The following NRXN1 variants were observed in gnomAD, a reference collection of about 807,000 sequenced individuals.
NRXN1 encodes the protein neurexin-1.
NRXN1 carries 39 observed loss-of-function variants against 150.9 expected under a neutral mutation model. That is an observed-to-expected ratio of 0.26 (90% CI 0.20 to 0.34). The LOEUF (loss-of-function observed/expected upper bound fraction) is 0.34. NRXN1 is among the 10% of genes least tolerant of loss of function. NRXN1 has a pLI of 1.00. For synonymous variants in NRXN1, 924 were observed against 757.0 expected (o/e 1.22, Z -3.62); for missense variants, 1,815 against 1,949.9 (o/e 0.93, Z 1.30).
At chr2:50,551,547 T>C (rs1667544467) in intron 9 of NRXN1, among the ~76,000 whole-genome samples, 1 of 152,032 alleles carries the variant, frequency 6.6e-6, no homozygotes, top group South Asian at 2.1e-4. Context: ...TTATCACAGA[T>C]TACTGAGTCT....
At chr2:50,136,436 G>T (rs12468396) in intron 18 of NRXN1, among the ~76,000 whole-genome samples, 25,720 of 152,042 alleles carry the variant, frequency 0.17, 2,651 homozygotes, top group East Asian at 0.36. Flanking sequence ...AGGTTCCTAG[G>T]ATATATCTTA....
chr2:50,094,587 GC>G (rs1031254878), intron 18 of NRXN1, among the ~76,000 whole-genome samples: 2 of 152,080 alleles, frequency 1.3e-5, no homozygotes, highest in Admixed American at 1.3e-4. Context: ...GCTTGCTGAT[GC>G]CCAGTGGCCA....
chr2:50,877,688 A>G (rs1574800528), intron 5 of NRXN1, among the ~76,000 whole-genome samples: 1 of 151,958 alleles, frequency 6.6e-6, no homozygotes, highest in Non-Finnish European at 1.5e-5. Flanking sequence ...ATAGTATTTG[A>G]ATGGTAATAT....
In NRXN1 at chr2:50,112,291, T is replaced by C. The variant is rs115162451; in HGVS notation, c.3547-20797A>G. ...TTGGGCTTAAACTCCCTTGGGTCCT[T>C]ATTACCCCTGCTACTGTATCACTAT... On this transcript the variant is annotated intron_variant, in intron 18 of 22. Transcript: ENST00000401669. Among the ~76,000 whole-genome samples, 1,462 of 152,314 alleles carry C rather than the reference T, an allele frequency of 9.6e-3. 10 individuals carry two copies. The highest frequency in any genetic ancestry group is 0.014 in the Admixed American group (214 of 15,302).
At chr2:50,188,665 AC>A (rs1236869528) in intron 18 of NRXN1, among the ~76,000 whole-genome samples, 22 of 152,158 alleles carry the variant, frequency 1.4e-4, no homozygotes, top group Non-Finnish European at 2.6e-4. Flanking sequence ...AGGAACTTAA[AC>A]AAATTTACAA....
intron 2 of NRXN1, among the ~76,000 whole-genome samples, chr2:50,981,158 T>G (rs1266972058): frequency 6.6e-6 from 1 of 151,904 alleles, no homozygotes; most frequent in Non-Finnish European, 1.5e-5. Context: ...TTTCCCAATA[T>G]TATAAGAAAC....
At chr2:50,331,471 A>G (rs1291180460) in intron 17 of NRXN1, among the ~76,000 whole-genome samples, 1 of 152,178 alleles carries the variant, frequency 6.6e-6, no homozygotes, top group African/African-American at 2.4e-5. Context: ...CCAAAAACAA[A>G]GAAGTAGCTG....
chr2:50,225,917 T>C (rs1382786940), intron 18 of NRXN1, among the ~76,000 whole-genome samples: 1 of 152,048 alleles, frequency 6.6e-6, no homozygotes, highest in South Asian at 2.1e-4. Flanking sequence ...AGCAGATATC[T>C]GAAATGCTCC....
intron 17 of NRXN1, among the ~76,000 whole-genome samples, chr2:50,447,789 C>G (rs920075009): frequency 1.2e-5 from 1 of 86,238 alleles, no homozygotes; most frequent in African/African-American, 7.2e-5. Context: ...ACCTAATTCC[C>G]TAAATGTACT....
chr2:50,903,376 A>T (rs1007012074), intron 5 of NRXN1, among the ~76,000 whole-genome samples: 1 of 152,204 alleles, frequency 6.6e-6, no homozygotes, highest in African/African-American at 2.4e-5. Context: ...GGAAGACATT[A>T]ACATGGTTCA....
rs1696046318 is a variant in NRXN1 at position 50,977,476 on chromosome 2, C to T, written c.772+50026G>A. On this transcript the variant is annotated intron_variant, in intron 2 of 22. Transcript: ENST00000401669. ...AAAACACAACTACATATACCAAGAC[C>T]ACATATGCCTCAGTAAGAAGAAGTA... Among the ~76,000 whole-genome samples the T allele has an allele frequency of 2.6e-5, 4 of 151,882 alleles. No homozygotes were observed. The South Asian group carries it at 8.3e-4, about 32-fold the overall frequency.
intron 20 of NRXN1, 56 bp from the exon 21 acceptor site, chr2:50,053,646 C>T (rs1309800297): frequency 1.3e-6 from 2 of 1,544,808 alleles, no homozygotes; most frequent in East Asian, 4.5e-5. Context: ...TCTATATCTA[C>T]AATGGATGAT....
chr2:51,006,650 G>A (rs1221094201), intron 2 of NRXN1, among the ~76,000 whole-genome samples: 1 of 151,870 alleles, frequency 6.6e-6, no homozygotes, highest in Non-Finnish European at 1.5e-5. Flanking sequence ...CAAAAGGTAA[G>A]CTCCTTGCCC....
chr2:50,088,545 C>T (rs751468928), intron 19 of NRXN1, among the ~76,000 whole-genome samples: 2 of 152,070 alleles, frequency 1.3e-5, no homozygotes, highest in Non-Finnish European at 2.9e-5. Context: ...TAAAATACAT[C>T]TTGGTAAAAG....
intron 8 of NRXN1, among the ~76,000 whole-genome samples, chr2:50,560,993 A>AG (rs1189901354): frequency 1.3e-5 from 2 of 152,230 alleles, no homozygotes; most frequent in African/African-American, 4.8e-5. Flanking sequence ...AAAATTGGAG[A>AG]GGGAAAAAAC....
In NRXN1 at chr2:50,922,654, A is replaced by G; in HGVS notation, c.820+4T>C. ...GCAGAGTGGAAAAGGAACAGAGCCC[A>G]TACCTTGGTCGCCCATCATCAGGTG... On this transcript the variant is annotated splice_donor_region_variant and intron_variant, in intron 4 of 22. Coordinates refer to ENST00000401669, the MANE Select transcript of NRXN1 (RefSeq NM_001330078.2). The G allele has an allele frequency of 2.5e-6, 4 of 1,610,098 alleles. No homozygotes were observed. Among genetic ancestry groups the G allele is most frequent in the Non-Finnish European group, 3.4e-6 (4 of 1,177,960 alleles).
At chr2:50,737,770 A>G (rs1181543305) in intron 5 of NRXN1, among the ~76,000 whole-genome samples, 3 of 152,198 alleles carry the variant, frequency 2.0e-5, no homozygotes, top group Admixed American at 6.5e-5. Context: ...GGGTCACTCA[A>G]TGAAAATCGT....
At chr2:49,987,603 A>G (rs1054739086) in intron 21 of NRXN1, among the ~76,000 whole-genome samples, 2 of 152,132 alleles carry the variant, frequency 1.3e-5, no homozygotes, top group East Asian at 3.9e-4. Context: ...TGATAGATTG[A>G]AGCCTATAGT....
At chr2:50,952,177 G>A (rs1044619879) in intron 2 of NRXN1, among the ~76,000 whole-genome samples, 6 of 150,764 alleles carry the variant, frequency 4.0e-5, no homozygotes, top group South Asian at 2.1e-4. Flanking sequence ...CGTTTTAGCC[G>A]GGATGGTCTC....
Sources: gnomAD v4.1 joint callset for allele counts (sites outside exome capture counted in the v4.1 genomes callset) on GRCh38, gnomAD v4.1.1 for gene constraint, MANE v1.5 for transcripts, NCBI Gene and HGNC (gene_info 2026-07-23, HGNC 2026-07-21) for gene names.